TLR6: variants seen among roughly 807,000 people sequenced by gnomAD.
TLR6 encodes toll-like receptor 6.
In TLR6, 9 loss-of-function variants were observed where a neutral mutation model predicts 16.1. That is an observed-to-expected ratio of 0.56 (90% CI 0.34 to 0.98). The LOEUF is 0.98. TLR6 is among the 50% of genes least tolerant of loss of function. The pLI, the probability that TLR6 is intolerant of heterozygous loss-of-function variation, is 0.02. For missense variants in TLR6, 786 were observed against 921.0 expected (o/e 0.85, Z 1.90); for synonymous variants, 340 against 338.6 (o/e 1.00, Z -0.04).
At chr4:38,845,954 T>A (rs1303985071) in intron 1 of TLR6, among the ~76,000 whole-genome samples, 1 of 151,760 alleles carries the variant, frequency 6.6e-6, no homozygotes, top group Non-Finnish European at 1.5e-5. Context: ...TAGCCGGGTG[T>A]GGCAGTGGGT....
chr4:38,845,308 A>G (rs1712473531), intron 1 of TLR6, among the ~76,000 whole-genome samples: 1 of 152,228 alleles, frequency 6.6e-6, no homozygotes, highest in Non-Finnish European at 1.5e-5. Flanking sequence ...ATGACAGAAT[A>G]CTGGCCTCCC....
chr4:38,858,467 C>A (rs1435732002), upstream of TLR6, among the ~76,000 whole-genome samples: 1 of 152,064 alleles, frequency 6.6e-6, no homozygotes, highest in Non-Finnish European at 1.5e-5. Context: ...TGCCTGTAAT[C>A]CCAGCACTTC....
intron 1 of TLR6, among the ~76,000 whole-genome samples, chr4:38,830,198 C>T (rs749753906): frequency 6.6e-6 from 1 of 152,200 alleles, no homozygotes; most frequent in Non-Finnish European, 1.5e-5. Flanking sequence ...CCAACACAGC[C>T]AACCTGCAAA....
the TLR6 span, chr4:38,867,978 C>A: frequency 5.5e-6 from 2 of 366,082 alleles, no homozygotes; most frequent in South Asian, 4.0e-5. Flanking sequence ...TAGTGAGAAG[C>A]AGTGGTCAGG....
Position 38,836,350 on chromosome 4 carries a change from C to T in TLR6, c.-64-6813G>A, listed in dbSNP as rs544030990. 2.0e-5 allele frequency among the ~76,000 whole-genome samples: 3 copies of T among 152,082 alleles called. No individual in the cohort carries two copies. In the East Asian group the frequency reaches 5.8e-4, roughly 29 times the overall value. On this transcript the variant is annotated intron_variant, in intron 1 of 1. Transcript: ENST00000436693. ...AGATCATTGGAGGCAATTATGAACA[C>T]CTATATGTTAACAAATTGGAAACCC...
intron 1 of TLR6, among the ~76,000 whole-genome samples, chr4:38,851,866 C>T (rs142961820): frequency 0.25 from 37,298 of 151,926 alleles, 5,057 homozygotes; most frequent in Non-Finnish European, 0.28. Context: ...CTTCACAGAA[C>T]TGGAAAAAAC....
intron 1 of TLR6, among the ~76,000 whole-genome samples, chr4:38,844,380 A>G (rs1329630679): frequency 6.6e-6 from 1 of 152,262 alleles, no homozygotes; most frequent in South Asian, 2.1e-4. Context: ...CACAATGAAG[A>G]TGTAACAGAT....
chr4:38,864,497 C>T, the TLR6 span, among the ~76,000 whole-genome samples: 92 of 152,238 alleles, frequency 6.0e-4, no homozygotes, highest in South Asian at 0.018. Flanking sequence ...ATATGAAGCA[C>T]AATAAAGTAG....
At chr4:38,866,319 C>T in the TLR6 span, among the ~76,000 whole-genome samples, 1 of 150,720 alleles carries the variant, frequency 6.6e-6, no homozygotes, top group South Asian at 2.1e-4. Flanking sequence ...TGGTGAAACC[C>T]CGTCTCTACT....
chr4:38,825,530 T>C (rs531751623), exon 2 of TLR6: 14 of 152,282 alleles, frequency 9.2e-5, no homozygotes, highest in Non-Finnish European at 1.6e-4. Flanking sequence ...CCAGCTGCTA[T>C]GGCAGAGTCC....
At chr4:38,860,861 A>G (rs1238282477), upstream of TLR6, among the ~76,000 whole-genome samples, 1 of 152,214 alleles carries the variant, frequency 6.6e-6, no homozygotes, top group African/African-American at 2.4e-5. Context: ...TGGCCAGAAC[A>G]TGAAGAAACA....
At chr4:38,829,100 T>G in exon 2 of TLR6, 1 of 1,614,146 alleles carries the variant, frequency 6.2e-7, no homozygotes, top group Non-Finnish European at 8.5e-7. Flanking sequence ...GAGATCTAAA[T>G]GCCTGAAACT....
At chr4:38,868,117 C>A in the TLR6 span, 1 of 269,604 alleles carries the variant, frequency 3.7e-6, no homozygotes, top group Non-Finnish European at 8.0e-6. Flanking sequence ...ACCCACACGC[C>A]CACACTCAGG....
chr4:38,835,186 A>AT (rs1229012025), intron 1 of TLR6, among the ~76,000 whole-genome samples: 2 of 152,052 alleles, frequency 1.3e-5, no homozygotes, highest in Non-Finnish European at 2.9e-5. Flanking sequence ...AGCTGAATAG[A>AT]TTTTTTTTAC....
chr4:38,828,755 T>G (rs1188723194), exon 2 of TLR6: 3 of 1,613,626 alleles, frequency 1.9e-6, no homozygotes, highest in Non-Finnish European at 2.5e-6. Context: ...TGATAAAAAT[T>G]TAATGAAAAC....
intron 1 of TLR6, among the ~76,000 whole-genome samples, chr4:38,834,881 A>G (rs1223713199): frequency 2.6e-5 from 4 of 152,236 alleles, no homozygotes. Flanking sequence ...CCTACAAGAA[A>G]TGCTTAAGAG....
At chr4:38,839,022 A>G (rs1208022511) in intron 1 of TLR6, among the ~76,000 whole-genome samples, 2 of 144,834 alleles carry the variant, frequency 1.4e-5, no homozygotes, top group South Asian at 2.3e-4. Context: ...AGAGAGAAAG[A>G]AAGTTAAGAA....
At chr4:38,859,647 C>T (rs1212572563), upstream of TLR6, among the ~76,000 whole-genome samples, 2 of 148,524 alleles carry the variant, frequency 1.3e-5, no homozygotes, top group Non-Finnish European at 3.0e-5. Context: ...TCACTGCAGC[C>T]TTGACTTTCC....
chr4:38,852,376 A>T (rs1435175050), intron 1 of TLR6, among the ~76,000 whole-genome samples: 1 of 152,226 alleles, frequency 6.6e-6, no homozygotes, highest in Non-Finnish European at 1.5e-5. Context: ...CAAAATTGAC[A>T]AATGGGATCT....
Sources: gnomAD v4.1 joint callset for allele counts (sites outside exome capture counted in the v4.1 genomes callset) on GRCh38, gnomAD v4.1.1 for gene constraint, MANE v1.5 for transcripts, NCBI Gene and HGNC (gene_info 2026-07-23, HGNC 2026-07-21) for gene names.